The following NPEPPS variants were observed in gnomAD, a reference collection of about 807,000 sequenced individuals.
NPEPPS encodes the protein aminopeptidase puromycin sensitive, also known as puromycin-sensitive aminopeptidase.
NPEPPS carries 14 observed loss-of-function variants against 115.5 expected under a neutral mutation model. The ratio of observed to expected loss-of-function variants is 0.12; its 90% CI spans 0.08 to 0.19. The LOEUF (loss-of-function observed/expected upper bound fraction) is 0.19. Ranked by LOEUF, NPEPPS falls within the 10% of genes least tolerant of loss-of-function variation. The pLI is 1.00. For synonymous variants in NPEPPS, 285 were observed against 390.6 expected (o/e 0.73, Z 3.19); for missense variants, 523 against 1,110.8 (o/e 0.47, Z 7.52).
intron 12 of NPEPPS, among the ~76,000 whole-genome samples, chr17:47,594,383 T>A (rs1912709073): frequency 6.6e-6 from 1 of 151,426 alleles, no homozygotes; most frequent in Admixed American, 6.6e-5. Flanking sequence ...TACTTTTTAA[T>A]TTTTTTAACT....
At chr17:47,550,122 A>G (rs1909532681) in intron 2 of NPEPPS, among the ~76,000 whole-genome samples, 1 of 151,634 alleles carries the variant, frequency 6.6e-6, no homozygotes, top group Non-Finnish European at 1.5e-5. Flanking sequence ...TTTAGTAGAG[A>G]CGAGGTTTTA....
chr17:47,536,728 T>TG (rs1908322832), intron 1 of NPEPPS, among the ~76,000 whole-genome samples: 1 of 104,150 alleles, frequency 9.6e-6, no homozygotes, highest in African/African-American at 3.3e-5. Flanking sequence ...TTTTTTTTTT[T>TG]GAGACGGAGT....
chr17:47,617,893 T>C lies in NPEPPS; in HGVS notation c.2296-457T>C, dbSNP rs553103321. 2.6e-5 allele frequency among the ~76,000 whole-genome samples: 4 copies of C among 152,246 alleles called. No individual in the cohort carries two copies. The South Asian group carries it at 8.3e-4, about 32-fold the overall frequency. ...AAAGCATCATTTTTTTTTTCTTTTATTTTTGAGACAGAGTCTCGCTCTCTT... is the reference window on the plus strand; with the variant it reads ...AAAGCATCATTTTTTTTTTCTTTTACTTTTGAGACAGAGTCTCGCTCTCTT... On this transcript the variant is annotated intron_variant, in intron 19 of 22. Transcript: ENST00000322157.
intron 2 of NPEPPS, among the ~76,000 whole-genome samples, chr17:47,561,346 C>CAAAAAA (rs71365075): frequency 1.6e-5 from 1 of 60,778 alleles, no homozygotes; most frequent in African/African-American, 7.1e-5. Flanking sequence ...GACCCTGTCT[C>CAAAAAA]AAAAAAAAAA....
intron 20 of NPEPPS, 31 bp downstream of exon 20, chr17:47,618,488 T>C (rs772992082): frequency 7.0e-7 from 1 of 1,420,656 alleles, no homozygotes; most frequent in Non-Finnish European, 1.0e-6. Context: ...CATTTAGAAG[T>C]GAATCGTTAC....
intron 3 of NPEPPS, among the ~76,000 whole-genome samples, chr17:47,578,347 C>A (rs1183180347): frequency 6.6e-6 from 1 of 151,942 alleles, no homozygotes; most frequent in Non-Finnish European, 1.5e-5. Flanking sequence ...CATGCCCTAT[C>A]TTTGATTTGT....
rs111609085 is a variant in NPEPPS at position 47,543,313 on chromosome 17, A to ATT, written c.256-2583_256-2582dup. Among the ~76,000 whole-genome samples, 100 of 146,596 alleles carry ATT rather than the reference A, an allele frequency of 6.8e-4. 1 individual carries two copies. Among genetic ancestry groups the ATT allele is most frequent in the Middle Eastern group, 3.4e-3 (1 of 290 alleles). ...AAACCAATGGACTATCAGTAAAAAAATTTTTTTTTTTTTTAAATTTTTGAG... is the reference window on the plus strand; with the variant it reads ...AAACCAATGGACTATCAGTAAAAAAATTTTTTTTTTTTTTTTAAATTTTTGAG... On this transcript the variant is annotated intron_variant, in intron 1 of 22. Transcript: ENST00000322157.
At chr17:47,610,304 GC>G (rs201164342) in intron 17 of NPEPPS, among the ~76,000 whole-genome samples, 1,928 of 151,840 alleles carry the variant, frequency 0.013, 19 homozygotes, top group South Asian at 0.057. Flanking sequence ...AAAATACTTG[GC>G]CTTTTATATC....
intron 2 of NPEPPS, among the ~76,000 whole-genome samples, chr17:47,562,762 T>TG (rs1910518473): frequency 6.8e-6 from 1 of 147,584 alleles, no homozygotes; most frequent in Admixed American, 7.0e-5. Context: ...TTTAGTTAAT[T>TG]TAAAAAAAAG....
Position 47,592,139 on chromosome 17 carries a change from T to C in NPEPPS, c.1365+79T>C. 4 of 722,392 alleles carry C rather than the reference T, an allele frequency of 5.5e-6. No homozygotes were observed. In the East Asian group the frequency reaches 1.1e-4, roughly 20 times the overall value. The allele number at this position is 722,392 out of a possible 1,614,324, so 44.7% of individuals were successfully genotyped here. ...TGCATGAAAAAAAGTCTCACTTTAT[T>C]TGGATTAAGTTCCCAAATAGTTTCT... On this transcript the variant is annotated intron_variant, in intron 11 of 22. Transcript: ENST00000322157.
intron 11 of NPEPPS, 52 bp from the exon 12 acceptor site, chr17:47,592,433 T>C (rs922433710): frequency 7.9e-6 from 12 of 1,525,806 alleles, no homozygotes; most frequent in African/African-American, 2.8e-5. Flanking sequence ...ACAAATATAC[T>C]ATAAATTCTG....
At chr17:47,561,745 A>T (rs1910442039) in intron 2 of NPEPPS, among the ~76,000 whole-genome samples, 1 of 152,212 alleles carries the variant, frequency 6.6e-6, no homozygotes, top group Non-Finnish European at 1.5e-5. Flanking sequence ...CTGACAGCAA[A>T]GAAATTATCT....
chr17:47,585,447 C>T lies in NPEPPS; in HGVS notation c.649-53C>T, dbSNP rs974405159. 1.7e-5 allele frequency: 23 copies of T among 1,319,536 alleles called. No homozygotes were observed. The African/African-American group carries it at 2.5e-4, about 14-fold the overall frequency. 81.7% of individuals were successfully genotyped at this position (1,319,536 alleles called of 1,614,324 possible). On this transcript the variant is annotated intron_variant, in intron 5 of 22. Coordinates refer to ENST00000322157, the MANE Select transcript of NPEPPS (RefSeq NM_006310.4). Reference sequence around the variant, plus strand: ...CTACAGTTTTTGGCTGGTATTTGCTCTATGGTATTAATGTAAACCTATTTA... The same window carrying T: ...CTACAGTTTTTGGCTGGTATTTGCTTTATGGTATTAATGTAAACCTATTTA...
intron 2 of NPEPPS, among the ~76,000 whole-genome samples, chr17:47,568,287 C>T (rs1251564013): frequency 6.6e-6 from 1 of 152,036 alleles, no homozygotes; most frequent in East Asian, 1.9e-4. Context: ...TATCATGCCT[C>T]AGTCTCCCGC....
chr17:47,558,710 G>A (rs1264544923), intron 2 of NPEPPS, among the ~76,000 whole-genome samples: 1 of 152,218 alleles, frequency 6.6e-6, no homozygotes, highest in African/African-American at 2.4e-5. Context: ...ATAGGCGTGA[G>A]CCACCATGCC....
intron 1 of NPEPPS, among the ~76,000 whole-genome samples, chr17:47,544,595 A>G (rs964396340): frequency 2.0e-5 from 3 of 150,666 alleles, no homozygotes; most frequent in African/African-American, 7.3e-5. Context: ...GTGTAGTGGC[A>G]GGATTTCAGC....
intron 1 of NPEPPS, among the ~76,000 whole-genome samples, chr17:47,534,052 G>A (rs192005174): frequency 6.6e-6 from 1 of 152,214 alleles, no homozygotes; most frequent in Non-Finnish European, 1.5e-5. Flanking sequence ...TTAAATTGTG[G>A]CATTAGGTGG....
intron 12 of NPEPPS, among the ~76,000 whole-genome samples, chr17:47,594,672 G>T (rs1381857683): frequency 6.6e-6 from 1 of 151,306 alleles, no homozygotes; most frequent in African/African-American, 2.4e-5. Flanking sequence ...TCGCTCTGTC[G>T]CCCAGGCTGG....
intron 5 of NPEPPS, among the ~76,000 whole-genome samples, chr17:47,584,258 C>A (rs1597862263): frequency 1.3e-5 from 2 of 151,320 alleles, no homozygotes; most frequent in East Asian, 3.9e-4. Context: ...CAGAGCAAGA[C>A]CCTGTCTCTT....
Sources: gnomAD v4.1 joint callset for allele counts (sites outside exome capture counted in the v4.1 genomes callset) on GRCh38, gnomAD v4.1.1 for gene constraint, MANE v1.5 for transcripts, NCBI Gene and HGNC (gene_info 2026-07-23, HGNC 2026-07-21) for gene names.